The following DOCK4 variants were observed in gnomAD, a reference collection of about 807,000 sequenced individuals.
DOCK4 encodes the protein dedicator of cytokinesis 4.
DOCK4 carries 97 observed loss-of-function variants against 268.1 expected under a neutral mutation model. The observed-to-expected ratio is 0.36, with a 90% CI of 0.31 to 0.43. DOCK4 has a LOEUF of 0.43. Ranked by LOEUF, DOCK4 falls within the 20% of genes least tolerant of loss-of-function variation. The probability of loss-of-function intolerance (pLI) is 1.00; values close to 1 mark genes in which losing one functional copy is unlikely to be tolerated. For synonymous variants in DOCK4, 954 were observed against 887.2 expected (o/e 1.08, Z -1.34); for missense variants, 2,145 against 2,455.7 (o/e 0.87, Z 2.67).
chr7:111,853,976 C>T (rs1804796986), intron 23 of DOCK4, among the ~76,000 whole-genome samples: 1 of 151,744 alleles, frequency 6.6e-6, no homozygotes, highest in African/African-American at 2.4e-5. Flanking sequence ...CTCTGTTGCC[C>T]AGGCTGGAGT....
At chr7:112,030,968 T>C (rs752414622) in intron 1 of DOCK4, among the ~76,000 whole-genome samples, 3 of 152,256 alleles carry the variant, frequency 2.0e-5, no homozygotes, top group Non-Finnish European at 2.9e-5. Context: ...CACTGGTCCA[T>C]GTTCTCTCGT....
chr7:111,744,914 C>T (rs1796165460), intron 44 of DOCK4, among the ~76,000 whole-genome samples: 1 of 152,224 alleles, frequency 6.6e-6, no homozygotes, highest in Non-Finnish European at 1.5e-5. Context: ...GAAAACCAGA[C>T]ACGACCTCAT....
chr7:112,066,044 G>A (rs549443881), intron 1 of DOCK4, among the ~76,000 whole-genome samples: 32 of 152,234 alleles, frequency 2.1e-4, no homozygotes, highest in Middle Eastern at 3.4e-3. Context: ...AACTCTGGTC[G>A]TGATGGCTAA....
chr7:112,104,421 C>T (rs1012493504), intron 1 of DOCK4, among the ~76,000 whole-genome samples: 1 of 152,030 alleles, frequency 6.6e-6, no homozygotes. Flanking sequence ...TCTACTCTAA[C>T]GGGAAAAAAA....
chr7:111,900,759 C>T (rs779197912), intron 14 of DOCK4, among the ~76,000 whole-genome samples: 1 of 152,246 alleles, frequency 6.6e-6, no homozygotes, highest in South Asian at 2.1e-4. Flanking sequence ...AGGGTAGACC[C>T]GGGTGACACG....
In DOCK4 at chr7:111,872,320, T is replaced by A; in HGVS notation, c.1875A>T (p.Gly625=). The change falls in exon 19 of 53, where the codon GGA becomes GGT. Residue 625 remains glycine (G), a synonymous_variant. Coordinates refer to ENST00000428084, the MANE Select transcript of DOCK4 (RefSeq NM_001363540.2). ...FLQDTLDTLF[G]ILDENSQKYG... is the part of the protein sequence containing the mutation. ...ATTTTTGGGAATTTTCATCTAAAAT[T>A]CCAAATAAGGTATCCAGTGTATCCT... 1.3e-6 allele frequency: 2 copies of A among 1,560,814 alleles called. No homozygotes were observed. Among genetic ancestry groups the A allele is most frequent in the East Asian group, 4.7e-5 (2 of 42,944 alleles).
intron 30 of DOCK4, among the ~76,000 whole-genome samples, chr7:111,806,734 G>C (rs543808993): frequency 1.3e-5 from 2 of 152,296 alleles, no homozygotes; most frequent in East Asian, 1.9e-4. Context: ...CCCAGAGATT[G>C]TGTTTCAGTA....
chr7:112,003,125 A>C (rs1800571605), intron 2 of DOCK4, among the ~76,000 whole-genome samples: 2 of 152,092 alleles, frequency 1.3e-5, no homozygotes. Flanking sequence ...TTATGCCTGT[A>C]ATCTGAGCAC....
chr7:112,142,813 AG>A (rs1237490507), intron 1 of DOCK4, among the ~76,000 whole-genome samples: 1 of 152,074 alleles, frequency 6.6e-6, no homozygotes, highest in Non-Finnish European at 1.5e-5. Flanking sequence ...TTAAACCTGA[AG>A]TAGGTGGAAA....
intron 1 of DOCK4, among the ~76,000 whole-genome samples, chr7:112,136,949 G>T (rs528543152): frequency 6.6e-6 from 1 of 152,254 alleles, no homozygotes; most frequent in African/African-American, 2.4e-5. Flanking sequence ...GAGGCAAAAA[G>T]GTGGGGAAGA....
chr7:112,013,279 C>G (rs1801507288), intron 1 of DOCK4, among the ~76,000 whole-genome samples: 1 of 152,216 alleles, frequency 6.6e-6, no homozygotes, highest in South Asian at 2.1e-4. Context: ...AATTGCCTTA[C>G]AGTCAGAAGA....
At chr7:112,163,580 TATTTA>T (rs1156596984) in intron 1 of DOCK4, among the ~76,000 whole-genome samples, 2 of 152,098 alleles carry the variant, frequency 1.3e-5, no homozygotes, top group Non-Finnish European at 2.9e-5. Flanking sequence ...ACTTATTATT[TATTTA>T]ATTATTTATT....
intron 30 of DOCK4, chr7:111,808,619 G>A (rs1800846545): frequency 2.0e-6 from 1 of 501,088 alleles, no homozygotes; most frequent in Non-Finnish European, 3.5e-6. Flanking sequence ...CAAAGGTAAG[G>A]TGACTTTTCT....
At chr7:112,028,103 C>T (rs1398191696) in intron 1 of DOCK4, among the ~76,000 whole-genome samples, 2 of 152,178 alleles carry the variant, frequency 1.3e-5, no homozygotes, top group South Asian at 4.1e-4. Flanking sequence ...AGGAAAGGAA[C>T]AGCAAGCCAT....
intron 1 of DOCK4, among the ~76,000 whole-genome samples, chr7:112,071,869 G>C (rs559142690): frequency 1.3e-3 from 197 of 152,100 alleles, no homozygotes; most frequent in African/African-American, 4.7e-3. Context: ...TCAAAGGAAG[G>C]GTAAAGAATT....
intron 30 of DOCK4, among the ~76,000 whole-genome samples, chr7:111,799,509 T>G (rs768471247): frequency 1.4e-4 from 21 of 152,140 alleles, no homozygotes; most frequent in Non-Finnish European, 2.8e-4. Context: ...TTCAACCCCT[T>G]TGGCAATAAA....
At chr7:111,952,049 G>C (rs1477077695) in intron 8 of DOCK4, among the ~76,000 whole-genome samples, 1 of 150,618 alleles carries the variant, frequency 6.6e-6, no homozygotes, top group African/African-American at 2.4e-5. Context: ...CTTGAGCCTA[G>C]AGGTCAAGTT....
At chr7:112,128,467 G>C (rs1813466180) in intron 1 of DOCK4, among the ~76,000 whole-genome samples, 1 of 152,236 alleles carries the variant, frequency 6.6e-6, no homozygotes, top group African/African-American at 2.4e-5. Context: ...CGGCTTTGTG[G>C]AATAGAAAGG....
At chr7:111,895,780 A>G in intron 15 of DOCK4, 62 bp from the exon 16 acceptor site, 2 of 1,481,420 alleles carry the variant, frequency 1.4e-6, no homozygotes, top group South Asian at 2.3e-5. Context: ...TAGTTTGTCA[A>G]GAAGCATAAT....
Sources: gnomAD v4.1 joint callset for allele counts (sites outside exome capture counted in the v4.1 genomes callset) on GRCh38, gnomAD v4.1.1 for gene constraint, MANE v1.5 for transcripts, NCBI Gene and HGNC (gene_info 2026-07-23, HGNC 2026-07-21) for gene names.